The following FGGY variants were observed in gnomAD, a reference collection of about 807,000 sequenced individuals.
FGGY encodes FGGY carbohydrate kinase domain-containing protein.
A neutral mutation model predicts 71.3 loss-of-function variants in FGGY; 72 were observed. The observed-to-expected ratio is 1.01, with a 90% CI of 0.84 to 1.23. The LOEUF (loss-of-function observed/expected upper bound fraction) is 1.23, where lower values mean the gene tolerates loss of function less well. FGGY is among the 50% of genes most tolerant of loss of function. The probability of loss-of-function intolerance (pLI) is 0.00; values close to 1 mark genes in which losing one functional copy is unlikely to be tolerated. For synonymous variants in FGGY, 251 were observed against 250.3 expected (o/e 1.00, Z -0.02); for missense variants, 668 against 682.3 (o/e 0.98, Z 0.23).
At chr1:59,591,310 A>T (rs2096431565) in intron 8 of FGGY, among the ~76,000 whole-genome samples, 1 of 152,192 alleles carries the variant, frequency 6.6e-6, no homozygotes, top group Non-Finnish European at 1.5e-5. Context: ...AAATGGAAGA[A>T]CATTCCATGC....
rs555860694 is a variant in FGGY at position 59,738,278 on chromosome 1, A to G, written c.1513-19653A>G. 3.9e-5 allele frequency among the ~76,000 whole-genome samples: 6 copies of G among 152,352 alleles called. No individual in the cohort carries two copies. In the East Asian group the frequency reaches 7.7e-4, roughly 20 times the overall value. The stretch of plus-strand genomic sequence containing the variant: ...CTATGCTGGTGAGATTACAAAAATC[A>G]TAATATATGAATAAATGAACATATG... On this transcript the variant is annotated intron_variant, in intron 14 of 15. Transcript: ENST00000303721.
chr1:59,638,826 G>A (rs1413829258), intron 11 of FGGY, among the ~76,000 whole-genome samples: 3 of 152,184 alleles, frequency 2.0e-5, no homozygotes, highest in Admixed American at 6.5e-5. Context: ...TAGGATTTCA[G>A]ATTAAACTTT....
chr1:59,555,839 C>T lies in FGGY; in HGVS notation c.903+1612C>T, dbSNP rs1226027347. ...ACATGGTGAAACCCCGTCTCTACTA[C>T]AAATACAAAAAATTAGCCGGGCGTG... On this transcript the variant is annotated intron_variant, in intron 8 of 15. Coordinates refer to ENST00000303721, the MANE Select transcript of FGGY (RefSeq NM_018291.5). Among the ~76,000 whole-genome samples the T allele has an allele frequency of 2.6e-5, 4 of 151,888 alleles. No homozygotes were observed. In the East Asian group the frequency reaches 7.8e-4, roughly 29 times the overall value.
chr1:59,727,296 T>C (rs1430117481), intron 14 of FGGY, among the ~76,000 whole-genome samples: 2 of 152,192 alleles, frequency 1.3e-5, no homozygotes, highest in Non-Finnish European at 2.9e-5. Flanking sequence ...CCACCATTGA[T>C]GAACACCTAG....
intron 11 of FGGY, among the ~76,000 whole-genome samples, chr1:59,654,796 T>C (rs1368047398): frequency 6.6e-6 from 1 of 152,168 alleles, no homozygotes; most frequent in East Asian, 1.9e-4. Context: ...TACACTCGAC[T>C]AGGATCCCAG....
At chr1:59,361,434 TGAATTG>T (rs1323672248) in intron 4 of FGGY, among the ~76,000 whole-genome samples, 1 of 152,070 alleles carries the variant, frequency 6.6e-6, no homozygotes, top group African/African-American at 2.4e-5. Context: ...GGCCAGTGGA[TGAATTG>T]GAATTGGGTA....
chr1:59,449,282 T>C (rs2072062737), intron 5 of FGGY, among the ~76,000 whole-genome samples: 1 of 152,126 alleles, frequency 6.6e-6, no homozygotes, highest in Non-Finnish European at 1.5e-5. Context: ...CTGCATGCCT[T>C]ATCTATTTAT....
intron 14 of FGGY, among the ~76,000 whole-genome samples, chr1:59,699,774 G>C (rs2097694588): frequency 6.6e-6 from 1 of 152,186 alleles, no homozygotes; most frequent in South Asian, 2.1e-4. Context: ...TTTGCCTGCT[G>C]TTCTTGCCTT....
At chr1:59,725,126 A>AT (rs1390000812) in intron 14 of FGGY, among the ~76,000 whole-genome samples, 1 of 152,130 alleles carries the variant, frequency 6.6e-6, no homozygotes, top group Non-Finnish European at 1.5e-5. Context: ...CTTTGAGTTA[A>AT]TTTTTGCAGA....
chr1:59,342,587 G>A (rs2050935699), intron 3 of FGGY, among the ~76,000 whole-genome samples: 1 of 152,132 alleles, frequency 6.6e-6, no homozygotes, highest in African/African-American at 2.4e-5. Flanking sequence ...ATTGTATTAA[G>A]GTTAGATCTT....
At chr1:59,694,256 T>A (rs2097631248) in intron 14 of FGGY, among the ~76,000 whole-genome samples, 1 of 151,452 alleles carries the variant, frequency 6.6e-6, no homozygotes, top group Non-Finnish European at 1.5e-5. Context: ...GCCACTGCAC[T>A]CCAGCCTGGG....
At chr1:59,719,050 C>T (rs1396594690) in intron 14 of FGGY, among the ~76,000 whole-genome samples, 1 of 152,208 alleles carries the variant, frequency 6.6e-6, no homozygotes, top group Non-Finnish European at 1.5e-5. Flanking sequence ...CCCTGCCAGC[C>T]TGTGTGAGAG....
intron 8 of FGGY, among the ~76,000 whole-genome samples, chr1:59,589,078 TA>T (rs1187626238): frequency 2.6e-5 from 4 of 151,858 alleles, no homozygotes; most frequent in Admixed American, 2.6e-4. Flanking sequence ...AGGCTCAAAA[TA>T]AAAGGATGGA....
At chr1:59,361,610 A>G (rs80335540) in intron 4 of FGGY, among the ~76,000 whole-genome samples, 3,738 of 152,260 alleles carry the variant, frequency 0.025, 178 homozygotes, top group African/African-American at 0.086. Context: ...TATATATTCC[A>G]TGCTATTAAT....
intron 5 of FGGY, among the ~76,000 whole-genome samples, chr1:59,420,788 AT>A (rs954805252): frequency 6.0e-5 from 9 of 150,368 alleles, no homozygotes; most frequent in Admixed American, 2.0e-4. Flanking sequence ...ATCCTTTTCA[AT>A]TTTTTTTTTC....
intron 8 of FGGY, among the ~76,000 whole-genome samples, chr1:59,568,786 T>C (rs1435230635): frequency 6.6e-6 from 1 of 152,128 alleles, no homozygotes; most frequent in East Asian, 1.9e-4. Context: ...GAGCCTAAAC[T>C]CCTTGAGTAG....
At chr1:59,580,600 T>C (rs1384427721) in intron 8 of FGGY, among the ~76,000 whole-genome samples, 1 of 152,206 alleles carries the variant, frequency 6.6e-6, no homozygotes, top group East Asian at 1.9e-4. Context: ...TGTTCTTTCT[T>C]GATTTTAAGG....
chr1:59,374,241 C>CAA (rs2058249662), intron 4 of FGGY, among the ~76,000 whole-genome samples: 3 of 151,928 alleles, frequency 2.0e-5, no homozygotes, highest in Non-Finnish European at 2.9e-5. Context: ...AAAGTGGGTG[C>CAA]AGGACATGAA....
chr1:59,459,108 T>TAAA (rs1433603692), intron 6 of FGGY, among the ~76,000 whole-genome samples: 2 of 152,224 alleles, frequency 1.3e-5, no homozygotes, highest in African/African-American at 4.8e-5. Flanking sequence ...GTGGAGCTTT[T>TAAA]AGCCAAGCCT....
Sources: allele counts gnomAD v4.1 joint callset (sites outside exome capture counted in the v4.1 genomes callset), GRCh38; gene constraint gnomAD v4.1.1; transcripts MANE v1.5; gene names NCBI Gene and HGNC (gene_info 2026-07-23, HGNC 2026-07-21).